Variants in CLDN1 observed in about 807,000 individuals in gnomAD.
CLDN1 encodes claudin 1.
A neutral mutation model predicts 22.6 loss-of-function variants in CLDN1; 12 were observed. The ratio of observed to expected loss-of-function variants is 0.53; its 90% confidence interval spans 0.34 to 0.86. CLDN1 has a LOEUF of 0.86. CLDN1 is among the 40% of genes least tolerant of loss of function. The pLI, the probability that CLDN1 is intolerant of heterozygous loss-of-function variation, is 0.02. For synonymous variants in CLDN1, 99 were observed against 103.8 expected, an observed-to-expected ratio of 0.95 and a Z score of 0.28; for missense variants, 250 against 269.5, an observed-to-expected ratio of 0.93 and a Z score of 0.51.
At chr3:190,315,481 A>G (rs1466965971) in intron 1 of CLDN1, among the ~76,000 whole-genome samples, 1 of 152,208 alleles carries the variant, frequency 6.6e-6, no homozygotes, top group East Asian at 1.9e-4. Flanking sequence ...TATTCTAAGT[A>G]TAATCAGAAG....
chr3:190,317,103 T>C (rs1316174947), intron 1 of CLDN1, among the ~76,000 whole-genome samples: 1 of 152,176 alleles, frequency 6.6e-6, no homozygotes, highest in Non-Finnish European at 1.5e-5. Flanking sequence ...ACAATTTGGA[T>C]GAGATAGATG....
chr3:190,314,321 T>A (rs1716705537), intron 1 of CLDN1, among the ~76,000 whole-genome samples: 1 of 152,190 alleles, frequency 6.6e-6, no homozygotes, highest in African/African-American at 2.4e-5. Flanking sequence ...TTTCTAAAAC[T>A]TCATTAAATC....
chr3:190,320,422 T>C (rs1192324797), intron 1 of CLDN1, among the ~76,000 whole-genome samples: 1 of 152,160 alleles, frequency 6.6e-6, no homozygotes, highest in Non-Finnish European at 1.5e-5. Context: ...AGAAATTCAA[T>C]AATTATTACC....
At chr3:190,317,806 T>C (rs1020265985) in intron 1 of CLDN1, among the ~76,000 whole-genome samples, 2 of 152,334 alleles carry the variant, frequency 1.3e-5, no homozygotes, top group South Asian at 2.1e-4. Flanking sequence ...TACTGTATTC[T>C]TGATCGGTAT....
chr3:190,320,472 G>T (rs901353256), intron 1 of CLDN1, among the ~76,000 whole-genome samples: 1 of 152,054 alleles, frequency 6.6e-6, no homozygotes, highest in Non-Finnish European at 1.5e-5. Flanking sequence ...ACCCCTGAGG[G>T]CAATGAGCAA....
chr3:190,320,358 G>T (rs370332402), intron 1 of CLDN1, among the ~76,000 whole-genome samples: 1 of 152,108 alleles, frequency 6.6e-6, no homozygotes, highest in Admixed American at 6.5e-5. Context: ...ATTCCTTAAC[G>T]TGGTACCTAA....
At chr3:190,310,106 T>C (rs762559668) in intron 3 of CLDN1, 63 bp downstream of exon 3, 1 of 1,362,084 alleles carries the variant, frequency 7.3e-7, no homozygotes, top group Non-Finnish European at 1.0e-6. Context: ...TAGCAGGACT[T>C]TGTAGAATAT....
chr3:190,320,251 C>G (rs2108615269), intron 1 of CLDN1, among the ~76,000 whole-genome samples: 1 of 152,202 alleles, frequency 6.6e-6, no homozygotes, highest in East Asian at 1.9e-4. Context: ...TAAAAGAAAA[C>G]CTATTTAAAG....
chr3:190,307,698 G>A lies in CLDN1; in HGVS notation c.*579C>T, dbSNP rs1270992317. 6.6e-6 allele frequency: 1 copy of A among 152,438 alleles called. No homozygotes were observed. Among genetic ancestry groups the A allele is most frequent in the African/African-American group, 2.4e-5 (1 of 41,430 alleles). The allele number at this position is 152,438 out of a possible 1,614,324, so 9.4% of individuals were successfully genotyped here. A position where few individuals can be genotyped will look rare whatever the true frequency, so the allele number is the denominator to read the frequency against. ...AAGATTATGGTAAAAAATAAAATAA[G>A]TATATGAAAAGGGCACGCATGAAGA... On this transcript the variant is annotated 3_prime_UTR_variant, in exon 4 of 4. Coordinates refer to ENST00000295522, the MANE Select transcript of CLDN1 (RefSeq NM_021101.5).
At position 190,322,194 on chromosome 3, in the gene CLDN1, C is replaced by T; in HGVS notation, c.13G>A (p.Gly5Arg). 2 of 1,613,798 alleles carry T rather than the reference C, an allele frequency of 1.2e-6. No homozygotes were observed. Among genetic ancestry groups the T allele is most frequent in the Non-Finnish European group, 1.7e-6 (2 of 1,180,012 alleles). ...AGAATGAAGCCCAACAGCTGCAGCC[C>T]CGCGTTGGCCATGACTCGCTCGGGC... MANA[G>R]LQLLGFILAF... The change falls in exon 1 of 4, where the codon GGG (glycine) becomes AGG (arginine). Residue 5 changes from glycine (G) to arginine (R), a missense_variant. Coordinates refer to ENST00000295522, the MANE Select transcript of CLDN1 (RefSeq NM_021101.5).
At chr3:190,312,796 T>A (rs1400995142) in intron 2 of CLDN1, 76 bp downstream of exon 2, 4 of 1,535,466 alleles carry the variant, frequency 2.6e-6, no homozygotes, top group Non-Finnish European at 2.7e-6. Context: ...TCAAGTATAA[T>A]GAATCCAACG....
intron 1 of CLDN1, among the ~76,000 whole-genome samples, chr3:190,314,458 G>A (rs1276869718): frequency 1.4e-4 from 21 of 152,028 alleles, no homozygotes; most frequent in Non-Finnish European, 8.8e-5. Context: ...GCAGTGGTGC[G>A]ATATGGGCTC....
At chr3:190,316,184 C>T (rs1002837273) in intron 1 of CLDN1, among the ~76,000 whole-genome samples, 2 of 152,072 alleles carry the variant, frequency 1.3e-5, no homozygotes, top group African/African-American at 4.8e-5. Flanking sequence ...ATGGAAAACA[C>T]AATATTTAAA....
At chr3:190,316,149 T>C (rs1716762309) in intron 1 of CLDN1, among the ~76,000 whole-genome samples, 1 of 152,176 alleles carries the variant, frequency 6.6e-6, no homozygotes, top group Non-Finnish European at 1.5e-5. Context: ...ATTATTTGCA[T>C]AATACACAAA....
chr3:190,312,075 C>T (rs776231571), intron 2 of CLDN1, among the ~76,000 whole-genome samples: 8 of 151,512 alleles, frequency 5.3e-5, no homozygotes, highest in African/African-American at 1.2e-4. Context: ...GGATTACAGG[C>T]GTGCACCACC....
At chr3:190,315,244 A>G (rs564354195) in intron 1 of CLDN1, among the ~76,000 whole-genome samples, 11 of 152,310 alleles carry the variant, frequency 7.2e-5, no homozygotes, top group Middle Eastern at 3.4e-3. Flanking sequence ...AAGATGATCC[A>G]TGTCTGGAGG....
At position 190,306,669 on chromosome 3, in the gene CLDN1, T is replaced by A. The variant is rs1716462921; in HGVS notation, c.*1608A>T. ...TCAAATCCAGGTCTCCAGACACCAA[T>A]GCCAACACCCTTTCCATTACATCAT... On this transcript the variant is annotated 3_prime_UTR_variant, in exon 4 of 4. Coordinates refer to ENST00000295522, the MANE Select transcript of CLDN1 (RefSeq NM_021101.5). 6.6e-6 allele frequency: 1 copy of A among 152,650 alleles called. No individual in the cohort carries two copies. The highest frequency in any genetic ancestry group is 2.1e-4 in the South Asian group (1 of 4,828). 9.5% of individuals were successfully genotyped at this position (152,650 alleles called of 1,614,324 possible).
At chr3:190,311,902 T>C (rs1228268319) in intron 2 of CLDN1, among the ~76,000 whole-genome samples, 1 of 151,970 alleles carries the variant, frequency 6.6e-6, no homozygotes, top group Non-Finnish European at 1.5e-5. Context: ...TGACACATAA[T>C]GTAACTTATC....
rs145197251 is a variant in CLDN1 at position 190,322,012 on chromosome 3, T to G, written c.195A>C (p.Lys65Asn). The G allele has an allele frequency of 6.2e-7, 1 of 1,614,144 alleles. No individual in the cohort carries two copies. The highest frequency in any genetic ancestry group is 1.1e-5 in the South Asian group (1 of 91,080). Reference protein sequence around the residue: ...VSQSTGQIQCKVFDSLLNLSS... With the variant: ...VSQSTGQIQCNVFDSLLNLSS... ...TCAGATTCAGCAAGGAGTCAAAGAC[T>G]TTGCACTGGATCTGCCCGGTGCTCT... is the stretch of plus-strand genomic sequence containing the variant. The change falls in exon 1 of 4, where the codon AAA (lysine) becomes AAC (asparagine). Residue 65 changes from lysine (K) to asparagine (N), a missense_variant. Lys to Asn is a moderately conservative substitution (Grantham distance 94). Coordinates refer to ENST00000295522, the MANE Select transcript of CLDN1 (RefSeq NM_021101.5).
Sources: gnomAD v4.1 joint callset for allele counts (sites outside exome capture counted in the v4.1 genomes callset) on GRCh38, gnomAD v4.1.1 for gene constraint, MANE v1.5 for transcripts, NCBI Gene and HGNC (gene_info 2026-07-23, HGNC 2026-07-21) for gene names.